The following UNC80 variants were observed in gnomAD, a reference collection of about 807,000 sequenced individuals.
The protein encoded by UNC80 is unc-80 subunit of NALCN channel complex.
Under a neutral mutation model 384.6 loss-of-function variants are expected in UNC80, and 164 were observed. That is an observed-to-expected ratio of 0.43 (90% CI 0.38 to 0.49). The LOEUF (loss-of-function observed/expected upper bound fraction) is 0.49, where lower values mean the gene tolerates loss of function less well. Ranked by LOEUF, UNC80 falls within the 20% of genes least tolerant of loss-of-function variation. The pLI is 0.00. For missense variants in UNC80, 3,330 were observed against 4,143.0 expected (o/e 0.80, Z 5.39); for synonymous variants, 1,486 against 1,527.8 (o/e 0.97, Z 0.64).
chr2:209,927,124 G>A, intron 36 of UNC80, 138 bp downstream of exon 36: 3 of 1,017,452 alleles, frequency 2.9e-6, no homozygotes, highest in Non-Finnish European at 2.8e-6. Context: ...TTACAGATTT[G>A]TAACATACTG....
intron 28 of UNC80, among the ~76,000 whole-genome samples, chr2:209,898,054 GGATC>G (rs1415251741): frequency 1.3e-5 from 2 of 151,996 alleles, no homozygotes; most frequent in Non-Finnish European, 2.9e-5. Context: ...AAATTCTGTA[GGATC>G]TACAGTGATT....
At chr2:209,832,845 A>G (rs2081080231) in intron 16 of UNC80, among the ~76,000 whole-genome samples, 1 of 152,236 alleles carries the variant, frequency 6.6e-6, no homozygotes, top group South Asian at 2.1e-4. Context: ...GTGGGACATC[A>G]AACTTCTGTC....
chr2:209,892,038 T>A (rs1046383726), intron 26 of UNC80, among the ~76,000 whole-genome samples: 2 of 152,160 alleles, frequency 1.3e-5, no homozygotes, highest in Non-Finnish European at 2.9e-5. Context: ...CAGGGTCTGG[T>A]AGATGTGGTT....
chr2:209,819,617 C>T (rs2079998530), intron 12 of UNC80, among the ~76,000 whole-genome samples: 1 of 151,968 alleles, frequency 6.6e-6, no homozygotes, highest in Admixed American at 6.6e-5. Flanking sequence ...ATTAACAAGA[C>T]TACAAACCTC....
At chr2:209,960,757 A>C (rs2092563456) in intron 51 of UNC80, among the ~76,000 whole-genome samples, 1 of 152,226 alleles carries the variant, frequency 6.6e-6, no homozygotes, top group South Asian at 2.1e-4. Flanking sequence ...GGAGAACCCC[A>C]GAGCCTCACT....
At chr2:209,888,419 T>C (rs868755701) in intron 26 of UNC80, among the ~76,000 whole-genome samples, 159 bp downstream of exon 26, 1 of 152,178 alleles carries the variant, frequency 6.6e-6, no homozygotes, top group Non-Finnish European at 1.5e-5. Flanking sequence ...TTGTTAGAAG[T>C]TGGTCTCTGC....
At chr2:209,950,649 C>G (rs1461270854) in intron 47 of UNC80, among the ~76,000 whole-genome samples, 1 of 151,778 alleles carries the variant, frequency 6.6e-6, no homozygotes, top group South Asian at 2.1e-4. Flanking sequence ...ACCTCCACCT[C>G]CCGGATTCAA....
chr2:209,921,354 C>A, intron 33 of UNC80, 146 bp from the exon 34 acceptor site: 2 of 797,266 alleles, frequency 2.5e-6, no homozygotes, highest in Non-Finnish European at 3.7e-6. Context: ...GGTAAAAGGA[C>A]AAATATCCAT....
chr2:209,874,334 T>C (rs2084581977), intron 23 of UNC80, among the ~76,000 whole-genome samples: 1 of 152,144 alleles, frequency 6.6e-6, no homozygotes, highest in South Asian at 2.1e-4. Flanking sequence ...TCAAGGAAGG[T>C]CTTATTGAGA....
intron 48 of UNC80, among the ~76,000 whole-genome samples, chr2:209,956,771 C>A (rs1244851748): frequency 6.6e-6 from 1 of 152,082 alleles, no homozygotes; most frequent in African/African-American, 2.4e-5. Flanking sequence ...TATGCAGATA[C>A]TCCCCCTTTT....
At chr2:209,826,310 A>C (rs1298761847) in intron 14 of UNC80, among the ~76,000 whole-genome samples, 1 of 152,216 alleles carries the variant, frequency 6.6e-6, no homozygotes, top group Non-Finnish European at 1.5e-5. Flanking sequence ...GAAAATATAT[A>C]TAATTGGAAT....
Position 209,967,613 on chromosome 2 carries a change from A to G in UNC80, c.7982A>G (p.Lys2661Arg). ...AAAAGATTGGATAGAATGTTCAACA[A>G]AATTCATAAGATGCCTACTTTGAGG... The part of the protein sequence containing the change: ...ILKRLDRMFN[K>R]IHKMPTLRRQ... The change falls in exon 52 of 65, where the codon AAA (lysine) becomes AGA (arginine). Residue 2661 changes from lysine (K) to arginine (R), a missense_variant. This residue lies in a region of UNC80 where 1,049 missense variants were observed against 1,488.6 expected (regional missense o/e 0.70). Coordinates refer to ENST00000673920, the MANE Select transcript of UNC80 (RefSeq NM_001371986.1). 2 of 1,551,614 alleles carry G rather than the reference A, an allele frequency of 1.3e-6. No individual in the cohort carries two copies. The highest frequency in any genetic ancestry group is 1.7e-6 in the Non-Finnish European group (2 of 1,146,944).
chr2:209,866,521 CACACACACACACAGAGAGAGAG>C (rs1559226915), intron 22 of UNC80, among the ~76,000 whole-genome samples: 22 of 142,582 alleles, frequency 1.5e-4, no homozygotes, highest in African/African-American at 5.9e-4. Context: ...CACACACACA[CACACACACACACAGAGAGAGAG>C]AGAGAGAGAG....
intron 39 of UNC80, among the ~76,000 whole-genome samples, chr2:209,934,959 G>T (rs372908310): frequency 1.7e-3 from 256 of 152,218 alleles, no homozygotes; most frequent in African/African-American, 5.9e-3. Context: ...AAAAATTGAG[G>T]TATATCATAA....
intron 35 of UNC80, 39 bp downstream of exon 35, chr2:209,922,422 T>G (rs565280791): frequency 2.6e-6 from 4 of 1,539,950 alleles, no homozygotes; most frequent in African/African-American, 1.4e-5. Context: ...TCCTGACTTA[T>G]GTGTTTTGAA....
intron 26 of UNC80, among the ~76,000 whole-genome samples, chr2:209,890,239 A>G (rs76636597): frequency 7.0e-4 from 107 of 152,294 alleles, no homozygotes; most frequent in Middle Eastern, 3.4e-3. Flanking sequence ...TGGCATCACA[A>G]TGTTAGTGAT....
At chr2:209,922,000 A>G (rs1284858177) in intron 34 of UNC80, among the ~76,000 whole-genome samples, 1 of 152,224 alleles carries the variant, frequency 6.6e-6, no homozygotes, top group East Asian at 1.9e-4. Flanking sequence ...GTCAGTTGGT[A>G]TCAAAAATGA....
In UNC80 at chr2:209,995,509, G is replaced by C. The variant is rs1474644199; in HGVS notation, c.9889G>C (p.Glu3297Gln). ...VLHISEENGMENPLLSSQFTF... is the reference protein window; with the variant it reads ...VLHISEENGMQNPLLSSQFTF... ...TCATATCAGTGAGGAAAATGGCATG[G>C]AGAACCCGCTACTATCTAGTCAGTT... The change falls in exon 65 of 65, where the codon GAG (glutamate) becomes CAG (glutamine). Residue 3297 changes from glutamate (E) to glutamine (Q), a missense_variant. This residue lies in a region of UNC80 where 236 missense variants were observed against 254.9 expected (regional missense o/e 0.93). Transcript: ENST00000673920. The C allele has an allele frequency of 2.6e-6, 4 of 1,551,834 alleles. No homozygotes were observed. The highest frequency in any genetic ancestry group is 3.5e-6 in the Non-Finnish European group (4 of 1,147,030).
At chr2:209,897,780 A>G (rs2086951680) in intron 28 of UNC80, among the ~76,000 whole-genome samples, 1 of 152,192 alleles carries the variant, frequency 6.6e-6, no homozygotes, top group Non-Finnish European at 1.5e-5. Flanking sequence ...CTCTGCAAGC[A>G]TTGTGTAAGA....
Sources: gnomAD v4.1 joint callset for allele counts (sites outside exome capture counted in the v4.1 genomes callset) on GRCh38, gnomAD v4.1.1 for gene constraint, gnomAD v4.1.1 regional missense constraint, MANE v1.5 for transcripts, NCBI Gene and HGNC (gene_info 2026-07-23, HGNC 2026-07-21) for gene names.